The following CADM2 variants were observed in gnomAD, a reference collection of about 807,000 sequenced individuals.
CADM2 encodes cell adhesion molecule 2.
A neutral mutation model predicts 49.8 loss-of-function variants in CADM2; 12 were observed. The ratio of observed to expected loss-of-function variants is 0.24; its 90% CI spans 0.15 to 0.39. The LOEUF (loss-of-function observed/expected upper bound fraction) is 0.39, where lower values mean the gene tolerates loss of function less well. CADM2 is among the 10% of genes least tolerant of loss of function. The pLI is 1.00. For synonymous variants in CADM2, 214 were observed against 175.4 expected, an observed-to-expected ratio of 1.22 and a Z score of -1.74; for missense variants, 378 against 492.3, an observed-to-expected ratio of 0.77 and a Z score of 2.20.
At chr3:85,066,171 T>G (rs1451056030) in intron 1 of CADM2, among the ~76,000 whole-genome samples, 1 of 152,060 alleles carries the variant, frequency 6.6e-6, no homozygotes, top group Non-Finnish European at 1.5e-5. Flanking sequence ...GGTGCCTTCA[T>G]CATAATTTTG....
chr3:85,650,812 A>C (rs1226495501), intron 1 of CADM2, among the ~76,000 whole-genome samples: 3 of 151,172 alleles, frequency 2.0e-5, no homozygotes, highest in Non-Finnish European at 4.4e-5. Flanking sequence ...TATTTTGTTT[A>C]AATTTATAAA....
intron 1 of CADM2, among the ~76,000 whole-genome samples, chr3:85,414,714 A>G (rs1463371084): frequency 6.6e-6 from 1 of 152,182 alleles, no homozygotes; most frequent in African/African-American, 2.4e-5. Context: ...AGCTCCCCCA[A>G]GGATTTTTGC....
intron 3 of CADM2, among the ~76,000 whole-genome samples, chr3:85,824,313 G>A (rs1242675428): frequency 6.6e-6 from 1 of 152,112 alleles, no homozygotes; most frequent in Non-Finnish European, 1.5e-5. Flanking sequence ...GCTTATCCAT[G>A]GTTTAGAGTG....
At chr3:85,425,140 T>C (rs1328714689) in intron 1 of CADM2, among the ~76,000 whole-genome samples, 1 of 152,212 alleles carries the variant, frequency 6.6e-6, no homozygotes, top group Non-Finnish European at 1.5e-5. Flanking sequence ...GGGAAATTTC[T>C]AATCAGTACC....
intron 2 of CADM2, among the ~76,000 whole-genome samples, chr3:85,788,207 A>C (rs2071111844): frequency 6.6e-6 from 1 of 152,152 alleles, no homozygotes; most frequent in South Asian, 2.1e-4. Flanking sequence ...AATGTCATTG[A>C]GGTATATTTT....
intron 1 of CADM2, among the ~76,000 whole-genome samples, chr3:85,404,646 G>T (rs529044245): frequency 1.3e-5 from 2 of 152,098 alleles, no homozygotes; most frequent in Non-Finnish European, 2.9e-5. Flanking sequence ...CAGTTCAACT[G>T]CTTGAGTTAA....
intron 1 of CADM2, among the ~76,000 whole-genome samples, chr3:85,656,552 G>A (rs2065203440): frequency 6.6e-6 from 1 of 152,030 alleles, no homozygotes; most frequent in Non-Finnish European, 1.5e-5. Context: ...AGAGGCGGAG[G>A]TTGCAGTTAG....
chr3:85,555,179 T>C (rs547017739), intron 1 of CADM2, among the ~76,000 whole-genome samples: 1 of 152,334 alleles, frequency 6.6e-6, no homozygotes, highest in Non-Finnish European at 1.5e-5. Context: ...AGTGTGTGAA[T>C]ATTTTATATA....
intron 1 of CADM2, among the ~76,000 whole-genome samples, chr3:85,665,137 A>T (rs2065526605): frequency 6.6e-6 from 1 of 151,990 alleles, no homozygotes; most frequent in Non-Finnish European, 1.5e-5. Flanking sequence ...TCTGATATTA[A>T]TTACAAGCAT....
At chr3:85,070,771 T>C (rs999236149) in intron 1 of CADM2, among the ~76,000 whole-genome samples, 1 of 151,908 alleles carries the variant, frequency 6.6e-6, no homozygotes, top group Non-Finnish European at 1.5e-5. Flanking sequence ...GGCAGGTAGA[T>C]CACGAGGTCA....
intron 1 of CADM2, among the ~76,000 whole-genome samples, chr3:85,088,876 G>T (rs763543487): frequency 4.6e-5 from 7 of 151,986 alleles, no homozygotes; most frequent in Non-Finnish European, 1.0e-4. Context: ...TTACATCGAT[G>T]CTCTCAGCTG....
At chr3:85,295,264 T>C (rs1471194379) in intron 1 of CADM2, among the ~76,000 whole-genome samples, 1 of 151,708 alleles carries the variant, frequency 6.6e-6, no homozygotes, top group Non-Finnish European at 1.5e-5. Flanking sequence ...CCAGTTAGAA[T>C]GGCAATCATT....
rs564637203 is a variant in CADM2, at chr3:86,070,493, T to C, written c.*3710T>C. ...ACAACAAATATTAAATTTTACATTA[T>C]GCTTTTTAATTGTGGAGAAAATGCA... is the stretch of plus-strand genomic sequence containing the variant. On this transcript the variant is annotated 3_prime_UTR_variant, in exon 10 of 10. Transcript: ENST00000383699. 3.3e-5 allele frequency: 5 copies of C among 152,108 alleles called. No individual in the cohort carries two copies. The East Asian group carries it at 5.8e-4, about 18-fold the overall frequency. 9.4% of individuals were successfully genotyped at this position (152,108 alleles called of 1,614,324 possible). A position where few individuals can be genotyped will look rare whatever the true frequency, so the allele number is the denominator to read the frequency against.
intron 1 of CADM2, among the ~76,000 whole-genome samples, chr3:84,966,044 G>A (rs980141967): frequency 6.6e-6 from 1 of 152,080 alleles, no homozygotes; most frequent in Non-Finnish European, 1.5e-5. Flanking sequence ...ATTTGCCACA[G>A]AACAAAAAAC....
In CADM2 at chr3:85,031,570, A is replaced by G. The variant is rs188858591; in HGVS notation, c.61+71902A>G. 9.2e-5 allele frequency among the ~76,000 whole-genome samples: 14 copies of G among 152,254 alleles called. No individual in the cohort carries two copies. In the East Asian group the frequency reaches 2.1e-3, roughly 23 times the overall value. On this transcript the variant is annotated intron_variant, in intron 1 of 9. Coordinates refer to ENST00000383699, the MANE Select transcript of CADM2 (RefSeq NM_001167675.2). The stretch of plus-strand genomic sequence containing the variant: ...CGCTCTGTCGCCCGGGCTGGAGTGC[A>G]GTGGCGCGATCTCGGCTCACTGCAA...
intron 1 of CADM2, among the ~76,000 whole-genome samples, chr3:85,401,306 C>T (rs1269656469): frequency 6.6e-6 from 1 of 152,126 alleles, no homozygotes; most frequent in East Asian, 1.9e-4. Flanking sequence ...TAGACGGTCA[C>T]GGATCCTCTC....
At chr3:85,600,450 A>G (rs904660516) in intron 1 of CADM2, among the ~76,000 whole-genome samples, 15 of 152,064 alleles carry the variant, frequency 9.9e-5, no homozygotes, top group African/African-American at 3.4e-4. Context: ...AATTAATTAC[A>G]CCTAATGCTA....
chr3:85,939,945 G>A (rs1721658928), intron 7 of CADM2, among the ~76,000 whole-genome samples: 2 of 150,084 alleles, frequency 1.3e-5, no homozygotes, highest in Admixed American at 1.3e-4. Context: ...TTTTTGAAAT[G>A]ATCAGGAATT....
At chr3:85,522,389 T>A (rs2061044055) in intron 1 of CADM2, among the ~76,000 whole-genome samples, 1 of 152,192 alleles carries the variant, frequency 6.6e-6, no homozygotes, top group Non-Finnish European at 1.5e-5. Flanking sequence ...TAGAAATGCT[T>A]CATGCAGTTC....
Sources: allele counts gnomAD v4.1 joint callset (sites outside exome capture counted in the v4.1 genomes callset), GRCh38; gene constraint gnomAD v4.1.1; transcripts MANE v1.5; gene names NCBI Gene and HGNC (gene_info 2026-07-23, HGNC 2026-07-21).